The following SNTG1 variants were observed in gnomAD, a reference collection of about 807,000 sequenced individuals.
SNTG1 encodes gamma-1-syntrophin.
A neutral mutation model predicts 74.7 loss-of-function variants in SNTG1; 39 were observed. The ratio of observed to expected loss-of-function variants is 0.52; its 90% CI spans 0.40 to 0.68. The LOEUF (loss-of-function observed/expected upper bound fraction) is 0.68. Among genes scored for constraint, SNTG1 ranks in the 30% least tolerant of loss-of-function variants. The pLI is 0.00. For synonymous variants in SNTG1, 254 were observed against 217.1 expected (o/e 1.17, Z -1.49); for missense variants, 685 against 609.5 (o/e 1.12, Z -1.30).
chr8:49,912,591 G>T (rs1369782369), intron 1 of SNTG1, among the ~76,000 whole-genome samples: 1 of 152,102 alleles, frequency 6.6e-6, no homozygotes, highest in Non-Finnish European at 1.5e-5. Context: ...TACATAGTAT[G>T]CAAGACTAAA....
intron 2 of SNTG1, among the ~76,000 whole-genome samples, chr8:50,208,494 C>T (rs4873422): frequency 0.43 from 65,509 of 151,986 alleles, 17,868 homozygotes; most frequent in African/African-American, 0.78. Context: ...AGCACACTGA[C>T]GGGTCTTGAC....
chr8:50,700,858 T>C (rs919653945), intron 15 of SNTG1, among the ~76,000 whole-genome samples: 2 of 152,186 alleles, frequency 1.3e-5, no homozygotes, highest in Non-Finnish European at 2.9e-5. Context: ...AAGTATATTA[T>C]AAATAACAAC....
At chr8:50,744,931 T>A (rs914131965) in intron 17 of SNTG1, among the ~76,000 whole-genome samples, 2 of 151,794 alleles carry the variant, frequency 1.3e-5, no homozygotes, top group African/African-American at 4.8e-5. Flanking sequence ...ACTGTAAGAG[T>A]TAAAATGATA....
chr8:50,442,374 T>C (rs1348635226), intron 5 of SNTG1, among the ~76,000 whole-genome samples: 2 of 152,016 alleles, frequency 1.3e-5, no homozygotes, highest in African/African-American at 4.8e-5. Flanking sequence ...GTGAAGCAAA[T>C]CCCTACTTTA....
chr8:50,242,724 TATG>T (rs893594390), intron 2 of SNTG1, among the ~76,000 whole-genome samples: 1 of 150,472 alleles, frequency 6.6e-6, no homozygotes, highest in African/African-American at 2.4e-5. Context: ...ACGTATGTAT[TATG>T]ATATTATTAC....
chr8:50,290,791 G>A (rs115824994), intron 2 of SNTG1, among the ~76,000 whole-genome samples: 5 of 151,922 alleles, frequency 3.3e-5, no homozygotes, highest in African/African-American at 1.2e-4. Flanking sequence ...CAGGGTCTCT[G>A]TTTGTCCCCC....
At chr8:50,045,302 G>C (rs1488132188) in intron 1 of SNTG1, among the ~76,000 whole-genome samples, 1 of 152,168 alleles carries the variant, frequency 6.6e-6, no homozygotes, top group South Asian at 2.1e-4. Context: ...CTTCTAGTGA[G>C]AGCCTCAGGA....
At chr8:50,163,481 CTTTTTTT>C (rs563894365) in intron 1 of SNTG1, 2 of 125,644 alleles carry the variant, frequency 1.6e-5, no homozygotes, top group East Asian at 4.7e-4. Context: ...CTTCTTTTTT[CTTTTTTT>C]TTTTTTTTAG....
At chr8:50,615,384 T>C (rs2094879109) in intron 13 of SNTG1, among the ~76,000 whole-genome samples, 1 of 152,236 alleles carries the variant, frequency 6.6e-6, no homozygotes, top group Non-Finnish European at 1.5e-5. Flanking sequence ...TCAGCTTATT[T>C]TGACATTTAG....
chr8:50,278,014 A>G (rs1284713475), intron 2 of SNTG1, among the ~76,000 whole-genome samples: 1 of 152,074 alleles, frequency 6.6e-6, no homozygotes, highest in Non-Finnish European at 1.5e-5. Flanking sequence ...CTGTACTAAA[A>G]ATACAAAAAT....
At chr8:50,083,589 A>G (rs1014009055) in intron 1 of SNTG1, among the ~76,000 whole-genome samples, 10 of 152,166 alleles carry the variant, frequency 6.6e-5, no homozygotes, top group African/African-American at 2.4e-4. Flanking sequence ...AAAGCAAAAT[A>G]TTTTTTCACT....
At chr8:50,347,647 G>A (rs192372782) in intron 2 of SNTG1, among the ~76,000 whole-genome samples, 33 of 152,298 alleles carry the variant, frequency 2.2e-4, no homozygotes, top group African/African-American at 7.9e-4. Context: ...AAAACCTTCT[G>A]AAAAGGATTC....
At chr8:50,088,505 C>A (rs976411111) in intron 1 of SNTG1, among the ~76,000 whole-genome samples, 8 of 131,270 alleles carry the variant, frequency 6.1e-5, no homozygotes, top group African/African-American at 2.1e-4. Context: ...TCTAGAAAAC[C>A]CCATTGTCTC....
At chr8:50,372,867 C>CA (rs1410521387) in intron 2 of SNTG1, among the ~76,000 whole-genome samples, 2 of 151,974 alleles carry the variant, frequency 1.3e-5, no homozygotes, top group Non-Finnish European at 2.9e-5. Flanking sequence ...ATTTCGTATA[C>CA]AAAAAATAAC....
chr8:50,552,788 T>G (rs2094434566), intron 11 of SNTG1, among the ~76,000 whole-genome samples: 1 of 152,182 alleles, frequency 6.6e-6, no homozygotes, highest in South Asian at 2.1e-4. Context: ...ATCTACATGT[T>G]GTATGTTTTA....
intron 4 of SNTG1, among the ~76,000 whole-genome samples, chr8:50,424,455 A>G (rs2093136758): frequency 6.6e-6 from 1 of 152,216 alleles, no homozygotes; most frequent in Non-Finnish European, 1.5e-5. Flanking sequence ...TATACCATGC[A>G]TGGATGAGTG....
At chr8:49,915,207 A>G (rs1392986195) in intron 1 of SNTG1, among the ~76,000 whole-genome samples, 10 of 152,214 alleles carry the variant, frequency 6.6e-5, no homozygotes, top group East Asian at 3.8e-4. Flanking sequence ...ATTTACATAC[A>G]GCTGATACCT....
At chr8:50,264,376 T>C (rs1159824098) in intron 2 of SNTG1, among the ~76,000 whole-genome samples, 1 of 151,994 alleles carries the variant, frequency 6.6e-6, no homozygotes, top group Non-Finnish European at 1.5e-5. Context: ...GAGACCAGCC[T>C]GACCAACATG....
At chr8:50,084,928 C>T (rs992433029) in intron 1 of SNTG1, among the ~76,000 whole-genome samples, 1 of 152,166 alleles carries the variant, frequency 6.6e-6, no homozygotes, top group Admixed American at 6.5e-5. Flanking sequence ...GCTTTCCAGA[C>T]TTCAGAACTT....
Sources: gnomAD v4.1 joint callset for allele counts (sites outside exome capture counted in the v4.1 genomes callset) on GRCh38, gnomAD v4.1.1 for gene constraint, MANE v1.5 for transcripts, NCBI Gene and HGNC (gene_info 2026-07-23, HGNC 2026-07-21) for gene names.